Variants in DAAM1 observed in about 807,000 individuals in gnomAD.
The protein encoded by DAAM1 is dishevelled associated activator of morphogenesis 1, also known as disheveled-associated activator of morphogenesis 1.
In DAAM1, 52 loss-of-function variants were observed where a neutral mutation model predicts 130.0. The ratio of observed to expected loss-of-function variants is 0.40; its 90% CI spans 0.32 to 0.50. The LOEUF is 0.50. Among genes scored for constraint, DAAM1 ranks in the 20% least tolerant of loss-of-function variants. The pLI, the probability that DAAM1 is intolerant of heterozygous loss-of-function variation, is 0.61. For synonymous variants in DAAM1, 452 were observed against 444.5 expected (o/e 1.02, Z -0.21); for missense variants, 1,134 against 1,303.8 (o/e 0.87, Z 2.01).
chr14:59,257,680 C>T (rs1881968222), intron 1 of DAAM1, among the ~76,000 whole-genome samples: 1 of 152,150 alleles, frequency 6.6e-6, no homozygotes, highest in Non-Finnish European at 1.5e-5. Flanking sequence ...GGGCAGAGAC[C>T]TCCTTCCAGC....
At chr14:59,280,535 C>CTTTTTTTTTTTTTTTTTTTT (rs35354608) in intron 2 of DAAM1, among the ~76,000 whole-genome samples, 12 of 90,656 alleles carry the variant, frequency 1.3e-4, no homozygotes, top group Non-Finnish European at 2.0e-4. Flanking sequence ...GCACACCTTC[C>CTTTTTTTTTTTTTTTTTTTT]TTTTTTTTTT....
intron 1 of DAAM1, among the ~76,000 whole-genome samples, chr14:59,200,684 G>A (rs879865059): frequency 8.5e-5 from 13 of 152,174 alleles, no homozygotes; most frequent in Non-Finnish European, 1.9e-4. Flanking sequence ...GTAAAACAAC[G>A]TTCCTTCGCA....
chr14:59,360,706 T>C (rs1423365454), intron 21 of DAAM1, 96 bp from the exon 22 acceptor site: 5 of 989,554 alleles, frequency 5.1e-6, no homozygotes, highest in Non-Finnish European at 7.3e-6. Flanking sequence ...TAAATTAAAA[T>C]AGGATGGACT....
chr14:59,279,282 T>G (rs907964463), intron 2 of DAAM1, among the ~76,000 whole-genome samples: 6 of 152,152 alleles, frequency 3.9e-5, no homozygotes, highest in Non-Finnish European at 8.8e-5. Flanking sequence ...TTCTAAGAAA[T>G]TCATGTTAAG....
At chr14:59,293,115 T>A (rs1883814092) in intron 3 of DAAM1, among the ~76,000 whole-genome samples, 1 of 152,130 alleles carries the variant, frequency 6.6e-6, no homozygotes, top group African/African-American at 2.4e-5. Context: ...ACTTTGTCTA[T>A]TTTGGCTCAT....
At chr14:59,239,897 T>G (rs144674590) in intron 1 of DAAM1, among the ~76,000 whole-genome samples, 25 of 152,304 alleles carry the variant, frequency 1.6e-4, no homozygotes, top group East Asian at 1.5e-3. Context: ...ACTTCCAAGC[T>G]CCAAGGAATG....
rs1555360757 is a variant in DAAM1, at chr14:59,289,776, A to ATATATATATG, written c.184-1433_184-1432insTGTATATATA. 1.4e-3 allele frequency among the ~76,000 whole-genome samples: 206 copies of ATATATATATG among 143,500 alleles called. 11 individuals are homozygous for ATATATATATG. Among genetic ancestry groups the ATATATATATG allele is most frequent in the Non-Finnish European group, 2.5e-3 (161 of 65,614 alleles). 94.1% of individuals were successfully genotyped at this position (143,500 alleles called of 152,430 possible). A position where few individuals can be genotyped will look rare whatever the true frequency, so the allele number is the denominator to read the frequency against. On this transcript the variant is annotated intron_variant, in intron 2 of 24. Transcript: ENST00000360909. ...TGGATCAACAAAATGTGATATATAT[A>ATATATATATG]TATATATAATGGAATGCTATGCAAT... is the stretch of plus-strand genomic sequence containing the variant.
intron 1 of DAAM1, among the ~76,000 whole-genome samples, chr14:59,227,488 T>G (rs1202850743): frequency 6.6e-6 from 1 of 152,242 alleles, no homozygotes; most frequent in African/African-American, 2.4e-5. Flanking sequence ...ACTAGAAGTA[T>G]GATTTGCAAG....
chr14:59,189,909 A>G (rs1045621443), intron 1 of DAAM1, among the ~76,000 whole-genome samples: 7 of 151,856 alleles, frequency 4.6e-5, no homozygotes, highest in Non-Finnish European at 1.0e-4. Context: ...CCTCTCCTTC[A>G]TCTCCACTTT....
intron 17 of DAAM1, among the ~76,000 whole-genome samples, chr14:59,350,283 A>G (rs1215871497): frequency 2.0e-5 from 3 of 151,762 alleles, no homozygotes; most frequent in African/African-American, 7.3e-5. Context: ...AGCTGGATTG[A>G]CTGCCCCCTT....
intron 1 of DAAM1, among the ~76,000 whole-genome samples, chr14:59,242,520 T>TA (rs1881173453): frequency 1.3e-5 from 2 of 152,232 alleles, no homozygotes; most frequent in African/African-American, 4.8e-5. Context: ...ACTTTACAGA[T>TA]ATTTATTTAA....
chr14:59,207,853 G>T (rs1489941046), intron 1 of DAAM1, among the ~76,000 whole-genome samples: 1 of 152,022 alleles, frequency 6.6e-6, no homozygotes. Context: ...CTAAATCTTG[G>T]GTTTTTTCCT....
intron 2 of DAAM1, among the ~76,000 whole-genome samples, chr14:59,281,616 A>G (rs532122280): frequency 6.6e-6 from 1 of 152,176 alleles, no homozygotes; most frequent in East Asian, 1.9e-4. Context: ...AGGAATTTGG[A>G]CTTTATCTTG....
intron 3 of DAAM1, among the ~76,000 whole-genome samples, chr14:59,302,184 C>G (rs1392926184): frequency 6.6e-6 from 1 of 152,112 alleles, no homozygotes; most frequent in African/African-American, 2.4e-5. Flanking sequence ...TTTAGTTAAC[C>G]CAAACTTGCA....
chr14:59,303,721 G>A (rs78212084), intron 3 of DAAM1, among the ~76,000 whole-genome samples: 9,513 of 152,030 alleles, frequency 0.063, 384 homozygotes, highest in Non-Finnish European at 0.093. Context: ...CCAACGTGGC[G>A]AAACCCCATC....
At chr14:59,254,083 T>C (rs565761293) in intron 1 of DAAM1, among the ~76,000 whole-genome samples, 1 of 152,320 alleles carries the variant, frequency 6.6e-6, no homozygotes, top group East Asian at 1.9e-4. Flanking sequence ...TGGGAAGATC[T>C]GAAGCCTTAA....
intron 1 of DAAM1, among the ~76,000 whole-genome samples, chr14:59,197,973 T>C (rs538918183): frequency 6.6e-6 from 1 of 152,324 alleles, no homozygotes; most frequent in South Asian, 2.1e-4. Context: ...CAAGCTCAGA[T>C]TGTTTTTCTG....
chr14:59,359,961 G>A (rs1048794889), intron 21 of DAAM1, among the ~76,000 whole-genome samples: 3 of 152,182 alleles, frequency 2.0e-5, no homozygotes, highest in African/African-American at 2.4e-5. Context: ...TTCACACCAC[G>A]TTTCAGAGAC....
At chr14:59,270,073 A>T (rs112782730) in intron 2 of DAAM1, among the ~76,000 whole-genome samples, 1 of 152,186 alleles carries the variant, frequency 6.6e-6, no homozygotes, top group Non-Finnish European at 1.5e-5. Flanking sequence ...ATATTTTGCT[A>T]TCTGGTTAAA....
Sources: allele counts gnomAD v4.1 joint callset (sites outside exome capture counted in the v4.1 genomes callset), GRCh38; gene constraint gnomAD v4.1.1; transcripts MANE v1.5; gene names NCBI Gene and HGNC (gene_info 2026-07-23, HGNC 2026-07-21).